Variants in CSMD1 observed in about 807,000 individuals in gnomAD.
CSMD1 encodes CUB and Sushi multiple domains 1.
In CSMD1, 213 loss-of-function variants were observed where a neutral mutation model predicts 417.5. That is an observed-to-expected ratio of 0.51 (90% CI 0.46 to 0.57). The LOEUF (loss-of-function observed/expected upper bound fraction) is 0.57, where lower values mean the gene tolerates loss of function less well. Ranked by LOEUF, CSMD1 falls within the 20% of genes least tolerant of loss-of-function variation. The probability of loss-of-function intolerance (pLI) is 0.00; values close to 1 mark genes in which losing one functional copy is unlikely to be tolerated. For synonymous variants in CSMD1, 2,862 were observed against 1,736.8 expected (o/e 1.65, Z -16.11); for missense variants, 6,923 against 4,529.7 (o/e 1.53, Z -15.17).
At chr8:4,280,097 T>A (rs1366467973) in intron 3 of CSMD1, among the ~76,000 whole-genome samples, 1 of 152,252 alleles carries the variant, frequency 6.6e-6, no homozygotes, top group Admixed American at 6.5e-5. Context: ...AACTCTGTTT[T>A]GTATGCTCTC....
chr8:3,555,854 C>T (rs913829246), intron 10 of CSMD1, among the ~76,000 whole-genome samples: 1 of 152,078 alleles, frequency 6.6e-6, no homozygotes, highest in Admixed American at 6.5e-5. Flanking sequence ...ATGAAATATA[C>T]ATAGTGGAGC....
At chr8:3,915,467 C>T (rs981624617) in intron 5 of CSMD1, among the ~76,000 whole-genome samples, 2 of 147,280 alleles carry the variant, frequency 1.4e-5, no homozygotes, top group African/African-American at 5.0e-5. Flanking sequence ...ACTTCAAGGA[C>T]TTCAGGGAAG....
chr8:4,786,150 C>T (rs576799356), intron 1 of CSMD1, among the ~76,000 whole-genome samples: 1 of 152,268 alleles, frequency 6.6e-6, no homozygotes, highest in South Asian at 2.1e-4. Flanking sequence ...ATTTTAACAG[C>T]CACTTATGAG....
intron 7 of CSMD1, among the ~76,000 whole-genome samples, chr8:3,650,020 T>C (rs992302381): frequency 6.6e-6 from 1 of 152,222 alleles, no homozygotes; most frequent in African/African-American, 2.4e-5. Context: ...GGCTCATGCC[T>C]GGAATCCCAG....
intron 7 of CSMD1, among the ~76,000 whole-genome samples, chr8:3,695,419 C>T (rs979474114): frequency 6.6e-6 from 1 of 151,912 alleles, no homozygotes; most frequent in Non-Finnish European, 1.5e-5. Flanking sequence ...TAGGTACACT[C>T]CAATTAATCC....
chr8:3,228,812 G>A lies in CSMD1; in HGVS notation c.4345+1228C>T, dbSNP rs148853459. On this transcript the variant is annotated intron_variant, in intron 27 of 69. Coordinates refer to ENST00000635120, the MANE Select transcript of CSMD1 (RefSeq NM_033225.6). ...AAAAAAACCCTTTCCTACTGTAAAA[G>A]TAGGCCATTGGTTTAAAATGATCGC... 6.9e-4 allele frequency among the ~76,000 whole-genome samples: 105 copies of A among 151,608 alleles called. 1 individual carries two copies. The highest frequency in any genetic ancestry group is 2.5e-3 in the African/African-American group (102 of 41,352).
At position 3,947,435 on chromosome 8, in the gene CSMD1, T is replaced by G. The variant is rs1057140824; in HGVS notation, c.818+50468A>C. Among the ~76,000 whole-genome samples the G allele has an allele frequency of 1.6e-4, 25 of 152,178 alleles. 1 individual carries two copies. The highest frequency in any genetic ancestry group is 5.8e-4 in the African/African-American group (24 of 41,456). On this transcript the variant is annotated intron_variant, in intron 5 of 69. Transcript: ENST00000635120. The stretch of plus-strand genomic sequence containing the variant: ...AATCACTGGATCTTATTTCACAACA[T>G]TTTTAAAAGGTTTTTTCTGTTTTCG...
chr8:3,408,391 C>T (rs1451267510), intron 13 of CSMD1, among the ~76,000 whole-genome samples, 166 bp from the exon 14 acceptor site: 1 of 152,134 alleles, frequency 6.6e-6, no homozygotes. Context: ...TTTCTCCTTT[C>T]CTAATTTGTA....
At chr8:3,541,211 G>C (rs1431744350) in intron 10 of CSMD1, among the ~76,000 whole-genome samples, 1 of 152,224 alleles carries the variant, frequency 6.6e-6, no homozygotes, top group African/African-American at 2.4e-5. Flanking sequence ...AAGAAGGAAT[G>C]AGATCACGTG....
At chr8:4,811,422 A>G (rs1798900224) in intron 1 of CSMD1, among the ~76,000 whole-genome samples, 1 of 152,144 alleles carries the variant, frequency 6.6e-6, no homozygotes, top group African/African-American at 2.4e-5. Context: ...TGAATCATAT[A>G]AAATTGTTGC....
intron 7 of CSMD1, among the ~76,000 whole-genome samples, chr8:3,691,406 AAAC>A (rs1800238095): frequency 6.6e-6 from 1 of 152,034 alleles, no homozygotes; most frequent in Non-Finnish European, 1.5e-5. Flanking sequence ...AACAAAAACA[AAAC>A]AAACAAAAAA....
At chr8:3,560,923 C>T (rs776532379) in intron 10 of CSMD1, among the ~76,000 whole-genome samples, 3 of 152,162 alleles carry the variant, frequency 2.0e-5, no homozygotes, top group Non-Finnish European at 4.4e-5. Flanking sequence ...GTTACAGACG[C>T]CTCACGTTGT....
chr8:4,374,341 T>C (rs1294852969), intron 3 of CSMD1, among the ~76,000 whole-genome samples: 2 of 152,292 alleles, frequency 1.3e-5, no homozygotes, highest in African/African-American at 2.4e-5. Context: ...TTTTTCTTTA[T>C]TTTCAGAATC....
intron 5 of CSMD1, among the ~76,000 whole-genome samples, chr8:3,804,095 T>A (rs1031784409): frequency 3.3e-5 from 5 of 152,052 alleles, no homozygotes; most frequent in Non-Finnish European, 7.4e-5. Flanking sequence ...TCCAGCTATT[T>A]TTTTTGTTAT....
chr8:4,605,752 G>C (rs1050810379), intron 2 of CSMD1, among the ~76,000 whole-genome samples: 1 of 152,088 alleles, frequency 6.6e-6, no homozygotes, highest in Non-Finnish European at 1.5e-5. Context: ...GTAAATCTGG[G>C]AATCAATTTA....
chr8:3,547,629 T>A (rs1798723346), intron 10 of CSMD1, among the ~76,000 whole-genome samples: 1 of 152,200 alleles, frequency 6.6e-6, no homozygotes, highest in African/African-American at 2.4e-5. Flanking sequence ...TTTGTATTGT[T>A]AATAAAGTGG....
intron 10 of CSMD1, among the ~76,000 whole-genome samples, chr8:3,500,321 C>T (rs1293597511): frequency 6.6e-6 from 1 of 151,336 alleles, no homozygotes; most frequent in East Asian, 1.9e-4. Context: ...GTCTGCTAAG[C>T]TTTGCATGAC....
intron 1 of CSMD1, among the ~76,000 whole-genome samples, chr8:4,711,612 T>A (rs1808303578): frequency 6.6e-6 from 1 of 152,120 alleles, no homozygotes; most frequent in Non-Finnish European, 1.5e-5. Flanking sequence ...ATATAGTCTG[T>A]AAGAGAATTA....
chr8:4,460,055 C>A (rs541085701), intron 2 of CSMD1, among the ~76,000 whole-genome samples: 3 of 152,084 alleles, frequency 2.0e-5, no homozygotes, highest in Admixed American at 1.3e-4. Flanking sequence ...CAGCCAATAA[C>A]AGAATATTGT....
Sources: gnomAD v4.1 joint callset for allele counts (sites outside exome capture counted in the v4.1 genomes callset) on GRCh38, gnomAD v4.1.1 for gene constraint, MANE v1.5 for transcripts, NCBI Gene and HGNC (gene_info 2026-07-23, HGNC 2026-07-21) for gene names.